Variants in MTHFD1L observed in about 807,000 individuals in gnomAD.
MTHFD1L encodes the protein methylenetetrahydrofolate dehydrogenase (NADP+ dependent) 1 like.
MTHFD1L carries 81 observed loss-of-function variants against 119.5 expected under a neutral mutation model. The ratio of observed to expected loss-of-function variants is 0.68; its 90% CI spans 0.57 to 0.82. The LOEUF (loss-of-function observed/expected upper bound fraction) is 0.82. MTHFD1L is among the 40% of genes least tolerant of loss of function. The pLI is 0.00. For synonymous variants in MTHFD1L, 430 were observed against 475.2 expected, an observed-to-expected ratio of 0.90 and a Z score of 1.24; for missense variants, 1,125 against 1,253.4, an observed-to-expected ratio of 0.90 and a Z score of 1.55.
intron 8 of MTHFD1L, among the ~76,000 whole-genome samples, chr6:150,906,931 T>C (rs1358686500): frequency 6.6e-6 from 1 of 152,036 alleles, no homozygotes; most frequent in East Asian, 1.9e-4. Flanking sequence ...CCCTAATGGC[T>C]CTTTTTAACA....
At chr6:150,935,457 T>C (rs577272903) in intron 11 of MTHFD1L, 551 of 1,612,248 alleles carry the variant, frequency 3.4e-4, no homozygotes, top group Non-Finnish European at 4.6e-4. Context: ...CCTTGGCATT[T>C]GTAGCCTACC....
chr6:151,076,378 G>C (rs574997985), intron 26 of MTHFD1L, among the ~76,000 whole-genome samples: 4 of 151,994 alleles, frequency 2.6e-5, no homozygotes, highest in African/African-American at 9.7e-5. Context: ...GGCTGGGCAC[G>C]GTGGCTCACA....
At chr6:150,980,428 G>A (rs961055768) in intron 20 of MTHFD1L, among the ~76,000 whole-genome samples, 6 of 152,192 alleles carry the variant, frequency 3.9e-5, no homozygotes, top group African/African-American at 1.4e-4. Context: ...CTGCTCCTCT[G>A]TCCTTTGAAA....
chr6:150,881,569 G>A (rs967423676), intron 4 of MTHFD1L, among the ~76,000 whole-genome samples: 6 of 152,002 alleles, frequency 3.9e-5, no homozygotes, highest in African/African-American at 9.7e-5. Context: ...GCTTCATTCT[G>A]GTCTCTGCTT....
Position 150,960,320 on chromosome 6 carries a change from G to T in MTHFD1L, c.1849G>T (p.Ala617Ser). 6.2e-7 allele frequency: 1 copy of T among 1,614,072 alleles called. No individual in the cohort carries two copies. Among genetic ancestry groups the T allele is most frequent in the Non-Finnish European group, 8.5e-7 (1 of 1,179,994 alleles). The change falls in exon 18 of 28, where the codon GCC becomes TCC. Residue 617 changes from alanine to serine, a missense_variant. Ala to Ser is a moderately conservative substitution (Grantham distance 99). Coordinates refer to ENST00000367321, the MANE Select transcript of MTHFD1L (RefSeq NM_015440.5). ...GGCCAGCGAGATCATGGCGGTGCTG[G>T]CCCTGACGGACAGCCTCGCAGACAT... Reference protein sequence around the residue: ...AVASEIMAVLALTDSLADMKA... With the variant: ...AVASEIMAVLSLTDSLADMKA...
chr6:150,993,745 C>T (rs937335202), intron 20 of MTHFD1L, among the ~76,000 whole-genome samples: 2 of 152,076 alleles, frequency 1.3e-5, no homozygotes, highest in Admixed American at 6.6e-5. Context: ...CTGGAGCTTA[C>T]GATCCTTCCT....
chr6:150,887,531 C>G (rs966445602), intron 6 of MTHFD1L, among the ~76,000 whole-genome samples: 1 of 152,226 alleles, frequency 6.6e-6, no homozygotes, highest in African/African-American at 2.4e-5. Context: ...TCTTGGCTCA[C>G]TGCAACCTCT....
At chr6:150,878,344 C>T (rs1211926541) in intron 4 of MTHFD1L, among the ~76,000 whole-genome samples, 1 of 152,096 alleles carries the variant, frequency 6.6e-6, no homozygotes, top group Non-Finnish European at 1.5e-5. Flanking sequence ...CTCCGCCTCC[C>T]AGGTTCAAGC....
intron 20 of MTHFD1L, among the ~76,000 whole-genome samples, chr6:151,001,354 G>A (rs1245115125): frequency 6.6e-6 from 1 of 152,210 alleles, no homozygotes; most frequent in Non-Finnish European, 1.5e-5. Context: ...GGTATTTCAA[G>A]TAGAAATTAA....
intron 26 of MTHFD1L, among the ~76,000 whole-genome samples, chr6:151,074,611 T>A (rs1792314485): frequency 6.6e-6 from 1 of 152,228 alleles, no homozygotes; most frequent in African/African-American, 2.4e-5. Context: ...TGCTGTATAA[T>A]AACGTTTTGG....
intron 24 of MTHFD1L, among the ~76,000 whole-genome samples, chr6:151,021,118 A>G (rs776882918): frequency 1.3e-5 from 2 of 152,176 alleles, no homozygotes; most frequent in African/African-American, 2.4e-5. Flanking sequence ...TGTGGACACA[A>G]TTTGGGGAAG....
chr6:150,951,459 G>A (rs1049500952), intron 16 of MTHFD1L, among the ~76,000 whole-genome samples: 5 of 152,150 alleles, frequency 3.3e-5, no homozygotes, highest in Non-Finnish European at 5.9e-5. Context: ...AGTTTTTTGT[G>A]TGCATCTAGT....
intron 20 of MTHFD1L, among the ~76,000 whole-genome samples, chr6:150,987,060 C>G (rs1010403925): frequency 5.3e-5 from 8 of 152,096 alleles, no homozygotes; most frequent in African/African-American, 1.7e-4. Context: ...AAAACAGAAA[C>G]AAGGCTTTTA....
Position 150,884,211 on chromosome 6 carries a change from G to A in MTHFD1L, c.542+1325G>A, listed in dbSNP as rs79957839. On this transcript the variant is annotated intron_variant, in intron 5 of 27. Transcript: ENST00000367321. The stretch of plus-strand genomic sequence containing the variant: ...GGCTGGAGTGCAGTGACACGATCTC[G>A]GCTCACTGCAAGCTCTGCCTCCTGG... Among the ~76,000 whole-genome samples the A allele has an allele frequency of 8.7e-5, 13 of 148,702 alleles. No homozygotes were observed. The East Asian group carries it at 9.9e-4, about 11-fold the overall frequency.
In MTHFD1L at chr6:150,971,964, G is replaced by C. The variant is rs41289357; in HGVS notation, c.2031G>C (p.Val677=). 1 of 1,613,962 alleles carries C rather than the reference G, an allele frequency of 6.2e-7. No homozygotes were observed. Among genetic ancestry groups the C allele is most frequent in the Admixed American group, 1.7e-5 (1 of 59,976 alleles). The change falls in exon 20 of 28, where the codon GTG becomes GTC. Residue 677 remains valine, a synonymous_variant. Coordinates refer to ENST00000367321, the MANE Select transcript of MTHFD1L (RefSeq NM_015440.5). ...TTCTCTAGGGGACACCTGTGTTCGT[G>C]CATGCGGGCCCTTTTGCTAACATTG... The part of the protein sequence containing the change: ...MQTLEGTPVF[V]HAGPFANIAH...
intron 11 of MTHFD1L, among the ~76,000 whole-genome samples, chr6:150,927,460 T>C (rs1405026105): frequency 6.7e-6 from 1 of 149,928 alleles, no homozygotes; most frequent in South Asian, 2.1e-4. Context: ...AGATTCTTTT[T>C]TTTTTTTTTT....
chr6:151,036,965 G>C lies in MTHFD1L; in HGVS notation c.2695G>C (p.Gly899Arg). The C allele has an allele frequency of 6.2e-7, 1 of 1,611,892 alleles. No homozygotes were observed. Among genetic ancestry groups the C allele is most frequent in the Non-Finnish European group, 8.5e-7 (1 of 1,179,812 alleles). The change falls in exon 26 of 28, where the codon GGT becomes CGT. Residue 899 changes from glycine (G) to arginine (R), a missense_variant and splice_region_variant. Gly to Arg is a moderately radical substitution (Grantham distance 125). Around this residue, in one of 3 missense-constraint regions of MTHFD1L, gnomAD observed 1,058 missense variants for 1,151.2 expected, o/e 0.92. Coordinates refer to ENST00000367321, the MANE Select transcript of MTHFD1L (RefSeq NM_015440.5). The part of the protein sequence containing the change: ...QAKIDRYTQQ[G>R]FGNLPICMAK... Reference sequence around the variant, plus strand: ...ACACATTTTCTTTCCTTTCTCACAGGGTTTTGGAAATTTGCCCATCTGCAT... The same window carrying C: ...ACACATTTTCTTTCCTTTCTCACAGCGTTTTGGAAATTTGCCCATCTGCAT...
chr6:150,928,152 C>T (rs1790362847), intron 11 of MTHFD1L, among the ~76,000 whole-genome samples: 1 of 151,956 alleles, frequency 6.6e-6, no homozygotes, highest in Non-Finnish European at 1.5e-5. Context: ...TTATCCAAAA[C>T]AGGCCAAGCG....
Position 150,865,935 on chromosome 6 carries a change from G to A in MTHFD1L, c.113G>A (p.Gly38Asp). 1 of 1,213,498 alleles carries A rather than the reference G, an allele frequency of 8.2e-7. No individual in the cohort carries two copies. Among genetic ancestry groups the A allele is most frequent in the Non-Finnish European group, 1.0e-6 (1 of 979,346 alleles). 75.2% of individuals were successfully genotyped at this position (1,213,498 alleles called of 1,614,324 possible). ...CGCGCTAGCAGCGGCGGCGGCGGAG[G>A]CGGCGGCGGTGGCCGGGAGGGCCTG... ...PCRASSGGGG[G>D]GGGGREGLLG... The change falls in exon 1 of 28, where the codon GGC (glycine) becomes GAC (aspartate). Residue 38 changes from glycine to aspartate, a missense_variant. Coordinates refer to ENST00000367321, the MANE Select transcript of MTHFD1L (RefSeq NM_015440.5).
Sources: allele counts gnomAD v4.1 joint callset (sites outside exome capture counted in the v4.1 genomes callset), GRCh38; gene constraint gnomAD v4.1.1; regional missense constraint gnomAD v4.1.1; transcripts MANE v1.5; gene names NCBI Gene and HGNC (gene_info 2026-07-23, HGNC 2026-07-21).